SCAPER: variants seen among roughly 807,000 people sequenced by gnomAD.
SCAPER encodes S phase cyclin A-associated protein in the endoplasmic reticulum.
Under a neutral mutation model 182.2 loss-of-function variants are expected in SCAPER, and 98 were observed. The observed-to-expected ratio is 0.54, with a 90% CI of 0.46 to 0.64. SCAPER has a LOEUF of 0.64. Ranked by LOEUF, SCAPER falls within the 30% of genes least tolerant of loss-of-function variation. The pLI, the probability that SCAPER is intolerant of heterozygous loss-of-function variation, is 0.00. For missense variants in SCAPER, 1,432 were observed against 1,690.0 expected (o/e 0.85, Z 2.68); for synonymous variants, 605 against 564.6 (o/e 1.07, Z -1.01).
chr15:76,656,000 A>C (rs913280304), intron 21 of SCAPER, among the ~76,000 whole-genome samples: 1 of 152,206 alleles, frequency 6.6e-6, no homozygotes, highest in African/African-American at 2.4e-5. Flanking sequence ...CAACTGCACA[A>C]TCAAGTCTGC....
At chr15:76,446,173 G>A (rs1040167625) in intron 25 of SCAPER, among the ~76,000 whole-genome samples, 3 of 152,108 alleles carry the variant, frequency 2.0e-5, no homozygotes, top group Non-Finnish European at 4.4e-5. Flanking sequence ...GGTTCAGAGA[G>A]GTTAAATCAC....
At chr15:76,846,718 T>C (rs1391564282) in intron 4 of SCAPER, among the ~76,000 whole-genome samples, 6 of 151,996 alleles carry the variant, frequency 3.9e-5, no homozygotes, top group African/African-American at 1.4e-4. Context: ...ATGGAGAGGA[T>C]GTGGGAAAAA....
chr15:76,390,709 C>A (rs2043631697), intron 27 of SCAPER, among the ~76,000 whole-genome samples: 1 of 152,134 alleles, frequency 6.6e-6, no homozygotes, highest in Non-Finnish European at 1.5e-5. Flanking sequence ...CAGCAAAGGA[C>A]CCTGTGCTGA....
intron 4 of SCAPER, among the ~76,000 whole-genome samples, chr15:76,845,196 TACTGGGCATAGAAGGA>T (rs1166370268): frequency 6.6e-6 from 1 of 152,028 alleles, no homozygotes; most frequent in Non-Finnish European, 1.5e-5. Context: ...AACCCTCAAC[TACTGGGCATAGAAGGA>T]ACATACCCCA....
chr15:76,560,165 G>A lies in SCAPER; in HGVS notation c.2838+13993C>T, dbSNP rs533044271. Among the ~76,000 whole-genome samples the A allele has an allele frequency of 5.3e-5, 8 of 152,134 alleles. No individual in the cohort carries two copies. In the South Asian group the frequency reaches 1.7e-3, roughly 32 times the overall value. On this transcript the variant is annotated intron_variant, in intron 23 of 31. Coordinates refer to ENST00000563290, the MANE Select transcript of SCAPER (RefSeq NM_020843.4). ...AATCCCCGGTGTGATAGCATTGGGTGTGGGTCCTTTGGGGAAATAATTTAG... is the reference window on the plus strand; with the variant it reads ...AATCCCCGGTGTGATAGCATTGGGTATGGGTCCTTTGGGGAAATAATTTAG...
At chr15:76,746,425 C>T (rs1260711855) in intron 15 of SCAPER, among the ~76,000 whole-genome samples, 1 of 146,396 alleles carries the variant, frequency 6.8e-6, no homozygotes, top group Non-Finnish European at 1.6e-5. Flanking sequence ...TAACATCATA[C>T]TTGATGAAAG....
At chr15:76,882,433 A>G (rs913600727) in intron 2 of SCAPER, among the ~76,000 whole-genome samples, 6 of 151,810 alleles carry the variant, frequency 4.0e-5, no homozygotes, top group African/African-American at 1.5e-4. Flanking sequence ...AAATCTGTCA[A>G]CCTAGACTTC....
chr15:76,745,134 C>G (rs2061727261), intron 15 of SCAPER, among the ~76,000 whole-genome samples: 1 of 151,844 alleles, frequency 6.6e-6, no homozygotes, highest in South Asian at 2.1e-4. Context: ...GCAGACTACT[C>G]GAAGTAGAGA....
chr15:76,390,214 C>CA, intron 27 of SCAPER, among the ~76,000 whole-genome samples: 1 of 152,264 alleles, frequency 6.6e-6, no homozygotes, highest in African/African-American at 2.4e-5. Context: ...CCTCACCTCT[C>CA]AAAGTATTGG....
At chr15:76,667,827 C>A (rs1035830985) in intron 20 of SCAPER, among the ~76,000 whole-genome samples, 1 of 151,222 alleles carries the variant, frequency 6.6e-6, no homozygotes, top group Non-Finnish European at 1.5e-5. Context: ...GTGGTATATG[C>A]CTGTACATAC....
At chr15:76,629,466 T>C (rs1164681496) in intron 21 of SCAPER, among the ~76,000 whole-genome samples, 1 of 152,258 alleles carries the variant, frequency 6.6e-6, no homozygotes, top group Non-Finnish European at 1.5e-5. Flanking sequence ...GTTTTTGACA[T>C]GAAGGGATAT....
chr15:76,775,573 T>C (rs1032670395), intron 8 of SCAPER, among the ~76,000 whole-genome samples: 1 of 152,206 alleles, frequency 6.6e-6, no homozygotes, highest in African/African-American at 2.4e-5. Context: ...TCTAGGTACA[T>C]TGGTTCTGGT....
intron 25 of SCAPER, among the ~76,000 whole-genome samples, chr15:76,437,148 T>C (rs950058429): frequency 6.6e-6 from 1 of 152,172 alleles, no homozygotes; most frequent in African/African-American, 2.4e-5. Context: ...GCTATACATA[T>C]AGTAGGTAGG....
At chr15:76,811,732 G>A (rs1296611308) in intron 5 of SCAPER, among the ~76,000 whole-genome samples, 1 of 151,834 alleles carries the variant, frequency 6.6e-6, no homozygotes, top group Non-Finnish European at 1.5e-5. Context: ...AGGTTGCGGT[G>A]AGCTGAGATC....
At chr15:76,481,513 T>A (rs568693771) in intron 24 of SCAPER, among the ~76,000 whole-genome samples, 1 of 152,316 alleles carries the variant, frequency 6.6e-6, no homozygotes, top group South Asian at 2.1e-4. Context: ...ATATATATAT[T>A]TTTTTGTTAA....
chr15:76,790,577 T>C (rs910834709), intron 8 of SCAPER, among the ~76,000 whole-genome samples: 29 of 152,210 alleles, frequency 1.9e-4, no homozygotes, highest in African/African-American at 6.5e-4. Context: ...AAATTTAGTA[T>C]ATAATACTCA....
chr15:76,836,665 A>G (rs1465857086), intron 5 of SCAPER, among the ~76,000 whole-genome samples: 6 of 152,152 alleles, frequency 3.9e-5, no homozygotes, highest in Non-Finnish European at 8.8e-5. Flanking sequence ...CGAGGTCAGG[A>G]GATTGAGACC....
At chr15:76,639,091 C>CA (rs2053885233) in intron 21 of SCAPER, among the ~76,000 whole-genome samples, 1 of 152,048 alleles carries the variant, frequency 6.6e-6, no homozygotes, top group Non-Finnish European at 1.5e-5. Context: ...GTTCTTTTGC[C>CA]AGAAAGAGAC....
intron 23 of SCAPER, among the ~76,000 whole-genome samples, chr15:76,522,719 T>C (rs1192444552): frequency 6.6e-6 from 1 of 152,092 alleles, no homozygotes; most frequent in African/African-American, 2.4e-5. Context: ...GGTAATTAAA[T>C]GTTCTAAAAT....
Sources: gnomAD v4.1 joint callset for allele counts (sites outside exome capture counted in the v4.1 genomes callset) on GRCh38, gnomAD v4.1.1 for gene constraint, MANE v1.5 for transcripts, NCBI Gene and HGNC (gene_info 2026-07-23, HGNC 2026-07-21) for gene names.